Variants in TIMP2 observed in about 807,000 individuals in gnomAD.
TIMP2 encodes metalloproteinase inhibitor 2.
In TIMP2, 5 loss-of-function variants were observed where a neutral mutation model predicts 24.3. The observed-to-expected ratio is 0.21, with a 90% CI of 0.11 to 0.43. The LOEUF is 0.43. TIMP2 is among the 20% of genes least tolerant of loss of function. TIMP2 has a pLI of 1.00. For missense variants in TIMP2, 221 were observed against 297.5 expected (o/e 0.74, Z 1.89); for synonymous variants, 130 against 123.2 (o/e 1.06, Z -0.37).
At chr17:78,868,326 C>G (rs1007519195) in intron 3 of TIMP2, among the ~76,000 whole-genome samples, 2 of 152,096 alleles carry the variant, frequency 1.3e-5, no homozygotes, top group Non-Finnish European at 2.9e-5. Flanking sequence ...TCTCAGCTTG[C>G]TGCAATCTCT....
At position 78,899,738 on chromosome 17, in the gene TIMP2, T is replaced by C. The variant is rs143723250; in HGVS notation, c.130+25221A>G. On this transcript the variant is annotated intron_variant, in intron 1 of 4. Transcript: ENST00000262768. ...GTGCTCATGCAGGTTCCTCGTGACA[T>C]GGACACACCCCCTTCCCCATCCTAC... The C allele has an allele frequency of 8.2e-4, 125 of 152,360 alleles. 1 individual carries two copies. The East Asian group carries it at 0.014, about 16-fold the overall frequency. The allele number at this position is 152,360 out of a possible 1,614,324, so 9.4% of individuals were successfully genotyped here. A position where few individuals can be genotyped will look rare whatever the true frequency, so the allele number is the denominator to read the frequency against.
chr17:78,915,365 A>T (rs939383231), intron 1 of TIMP2, among the ~76,000 whole-genome samples: 2 of 152,186 alleles, frequency 1.3e-5, no homozygotes, highest in Non-Finnish European at 2.9e-5. Flanking sequence ...GGCCAGCCTC[A>T]GGAGCTCCTC....
intron 1 of TIMP2, among the ~76,000 whole-genome samples, chr17:78,916,201 G>A (rs999339117): frequency 6.6e-6 from 1 of 152,154 alleles, no homozygotes; most frequent in Non-Finnish European, 1.5e-5. Context: ...TTTTGGAGGT[G>A]TGGAAGTGGG....
intron 1 of TIMP2, among the ~76,000 whole-genome samples, chr17:78,886,692 G>A (rs2069828243): frequency 6.6e-6 from 1 of 152,138 alleles, no homozygotes; most frequent in Admixed American, 6.6e-5. Flanking sequence ...GGAAGCAGAG[G>A]ATAGAAAGAA....
intron 1 of TIMP2, among the ~76,000 whole-genome samples, chr17:78,893,113 A>G (rs554572058): frequency 0.011 from 1,516 of 143,674 alleles, 28 homozygotes; most frequent in African/African-American, 0.036. Context: ...GTGTGTGCAC[A>G]TGCACATGTG....
chr17:78,870,862 T>C, intron 3 of TIMP2, 36 bp downstream of exon 3: 1 of 1,581,050 alleles, frequency 6.3e-7, no homozygotes. Flanking sequence ...CCCACTTCTG[T>C]GCCAGCCTCC....
At chr17:78,866,833 T>C (rs1429232503) in intron 3 of TIMP2, among the ~76,000 whole-genome samples, 1 of 151,842 alleles carries the variant, frequency 6.6e-6, no homozygotes, top group Non-Finnish European at 1.5e-5. Context: ...GAGAAATCTA[T>C]AGAGACGGGA....
At position 78,924,867 on chromosome 17, in the gene TIMP2, C is replaced by A; in HGVS notation, c.130+92G>T. The A allele has an allele frequency of 2.3e-6, 2 of 852,360 alleles. No homozygotes were observed. Among genetic ancestry groups the A allele is most frequent in the East Asian group, 5.2e-5 (1 of 19,196 alleles). The allele number at this position is 852,360 out of a possible 1,614,324, so 52.8% of individuals were successfully genotyped here. A position where few individuals can be genotyped will look rare whatever the true frequency, so the allele number is the denominator to read the frequency against. ...CCAGGAGGCGGGCGCTGGGGTCCCT[C>A]GGCCAGCGGCGGGCGGGCGGGGCGT... On this transcript the variant is annotated intron_variant, in intron 1 of 4. Coordinates refer to ENST00000262768, the MANE Select transcript of TIMP2 (RefSeq NM_003255.5). This position sits in a 1 kb window ranked among gnomAD's most constrained non-coding sequence, Gnocchi z 5.3.
At chr17:78,869,773 C>T (rs543947013) in intron 3 of TIMP2, among the ~76,000 whole-genome samples, 1 of 152,098 alleles carries the variant, frequency 6.6e-6, no homozygotes, top group Admixed American at 6.5e-5. Context: ...CGAGATAGTG[C>T]CATTGCACCC....
intron 1 of TIMP2, among the ~76,000 whole-genome samples, chr17:78,890,200 T>C (rs2069867234): frequency 6.7e-6 from 1 of 148,288 alleles, no homozygotes; most frequent in Admixed American, 6.6e-5. Context: ...TAATGACAGA[T>C]TGCTTTTTTT....
At chr17:78,923,884 C>G (rs768875282) in intron 1 of TIMP2, among the ~76,000 whole-genome samples, 1 of 152,194 alleles carries the variant, frequency 6.6e-6, no homozygotes, top group Non-Finnish European at 1.5e-5. Context: ...CCCACCTCCA[C>G]TCTGGGCAGG....
chr17:78,925,009 C>A lies in TIMP2; in HGVS notation c.80G>T (p.Cys27Phe). ...LATLLRPADA[C>F]SCSPVHPQQA... ...TTGCGGGTGCACCGGGGAGCAGCTG[C>A]AGGCGTCGGCCGGGCGAAGCAGCGT... Residue 27 changes from cysteine to phenylalanine, a missense_variant, in exon 1 of 5, where the codon TGC becomes TTC. Physicochemically the swap from Cys to Phe is radical, Grantham distance 205 (BLOSUM62 -2). Coordinates refer to ENST00000262768, the MANE Select transcript of TIMP2 (RefSeq NM_003255.5). 1 of 1,285,034 alleles carries A rather than the reference C, an allele frequency of 7.8e-7. No individual in the cohort carries two copies. The highest frequency in any genetic ancestry group is 2.3e-5 in the South Asian group (1 of 44,334). 79.6% of individuals were successfully genotyped at this position (1,285,034 alleles called of 1,614,324 possible).
At chr17:78,918,987 A>C (rs949761661) in intron 1 of TIMP2, among the ~76,000 whole-genome samples, 2 of 152,026 alleles carry the variant, frequency 1.3e-5, no homozygotes, top group Non-Finnish European at 1.5e-5. Context: ...CTCAAAAAAA[A>C]AAAAAAAAAT....
intron 1 of TIMP2, among the ~76,000 whole-genome samples, chr17:78,919,158 C>T (rs1277245278): frequency 2.0e-5 from 3 of 152,264 alleles, no homozygotes; most frequent in Non-Finnish European, 4.4e-5. Context: ...CACCCCCAGG[C>T]CCGCTCCAGC....
intron 1 of TIMP2, among the ~76,000 whole-genome samples, chr17:78,895,944 C>T (rs567550383): frequency 1.1e-4 from 17 of 152,338 alleles, no homozygotes; most frequent in East Asian, 9.6e-4. Flanking sequence ...GCCCCCAGCC[C>T]GTTCAATGAC....
chr17:78,911,214 C>T (rs1373364707), intron 1 of TIMP2, among the ~76,000 whole-genome samples: 2 of 152,126 alleles, frequency 1.3e-5, no homozygotes, highest in African/African-American at 4.8e-5. Context: ...AGGAACCAGG[C>T]TGTCGCAGGA....
At position 78,901,831 on chromosome 17, in the gene TIMP2, C is replaced by T. The variant is rs140833110; in HGVS notation, c.130+23128G>A. The stretch of plus-strand genomic sequence containing the variant: ...GAGCTAGACCACCCAGAACACATTA[C>T]AGGGAGGCAGAAGCTGACAGGAGGG... On this transcript the variant is annotated intron_variant, in intron 1 of 4. Transcript: ENST00000262768. The T allele has an allele frequency of 6.7e-4, 478 of 711,202 alleles. 2 individuals are homozygous for T. In the African/African-American group the frequency reaches 7.1e-3, roughly 11 times the overall value. 44.1% of individuals were successfully genotyped at this position (711,202 alleles called of 1,614,324 possible). A position where few individuals can be genotyped will look rare whatever the true frequency, so the allele number is the denominator to read the frequency against.
intron 1 of TIMP2, among the ~76,000 whole-genome samples, chr17:78,890,221 G>A (rs1185007099): frequency 1.4e-5 from 1 of 71,744 alleles, no homozygotes; most frequent in Admixed American, 1.5e-4. Flanking sequence ...TTTTTTTTTT[G>A]AGACGAGTCT....
intron 1 of TIMP2, among the ~76,000 whole-genome samples, chr17:78,893,605 G>A (rs1162346031): frequency 6.6e-6 from 1 of 151,990 alleles, no homozygotes; most frequent in Non-Finnish European, 1.5e-5. Context: ...GCATGTCTGT[G>A]TGTGCCTCTG....
Sources: gnomAD v4.1 joint callset for allele counts (sites outside exome capture counted in the v4.1 genomes callset) on GRCh38, gnomAD v4.1.1 for gene constraint, Gnocchi (gnomAD v3.1) non-coding constraint, MANE v1.5 for transcripts, NCBI Gene and HGNC (gene_info 2026-07-23, HGNC 2026-07-21) for gene names.